The following GUCY1A2 variants were observed in gnomAD, a reference collection of about 807,000 sequenced individuals.
GUCY1A2 encodes the protein guanylate cyclase 1 soluble subunit alpha 2.
GUCY1A2 carries 27 observed loss-of-function variants against 63.5 expected under a neutral mutation model. The observed-to-expected ratio is 0.43, with a 90% CI of 0.31 to 0.59. The LOEUF is 0.59. Ranked by LOEUF, GUCY1A2 falls within the 20% of genes least tolerant of loss-of-function variation. The probability of loss-of-function intolerance (pLI) is 0.11; values close to 1 mark genes in which losing one functional copy is unlikely to be tolerated. For synonymous variants in GUCY1A2, 364 were observed against 343.5 expected (o/e 1.06, Z -0.66); for missense variants, 768 against 913.3 (o/e 0.84, Z 2.05).
chr11:106,972,505 A>C, intron 3 of GUCY1A2, among the ~76,000 whole-genome samples: 1 of 152,110 alleles, frequency 6.6e-6, no homozygotes, highest in East Asian at 1.9e-4. Flanking sequence ...GCTAGACAGA[A>C]AGCTGCTAGT....
At chr11:106,901,713 A>G (rs1860136125) in intron 4 of GUCY1A2, among the ~76,000 whole-genome samples, 1 of 138,472 alleles carries the variant, frequency 7.2e-6, no homozygotes, top group African/African-American at 2.7e-5. Flanking sequence ...TTCAATTCCC[A>G]CGTATGAGTG....
chr11:107,003,450 T>C (rs1298118239), intron 1 of GUCY1A2, among the ~76,000 whole-genome samples: 1 of 152,144 alleles, frequency 6.6e-6, no homozygotes, highest in East Asian at 1.9e-4. Context: ...TAATTCTCCG[T>C]TGTTCTTATT....
intron 4 of GUCY1A2, among the ~76,000 whole-genome samples, chr11:106,848,297 A>G (rs1013105993): frequency 5.9e-5 from 9 of 151,712 alleles, no homozygotes; most frequent in Admixed American, 5.9e-4. Context: ...TAAGCACACA[A>G]TCAGTGAATA....
intron 3 of GUCY1A2, among the ~76,000 whole-genome samples, chr11:106,959,088 T>C (rs1349816843): frequency 6.6e-6 from 1 of 152,230 alleles, no homozygotes; most frequent in Non-Finnish European, 1.5e-5. Context: ...CAACTATTCA[T>C]ATTCGTTACG....
At chr11:106,845,028 C>T (rs1859252162) in intron 4 of GUCY1A2, among the ~76,000 whole-genome samples, 1 of 151,612 alleles carries the variant, frequency 6.6e-6, no homozygotes, top group Non-Finnish European at 1.5e-5. Flanking sequence ...TTTCCTTCAC[C>T]TAAAGTTACC....
intron 4 of GUCY1A2, among the ~76,000 whole-genome samples, chr11:106,901,273 C>T (rs1348089708): frequency 6.6e-6 from 1 of 152,198 alleles, no homozygotes; most frequent in Admixed American, 6.6e-5. Context: ...TATGTAGTCA[C>T]ATCTTCAGGC....
intron 4 of GUCY1A2, among the ~76,000 whole-genome samples, chr11:106,864,259 T>G (rs1859557470): frequency 6.6e-6 from 1 of 151,952 alleles, no homozygotes; most frequent in Non-Finnish European, 1.5e-5. Flanking sequence ...TTGAATTCTC[T>G]CTACCCAGGA....
In GUCY1A2 at chr11:106,676,366, T is replaced by G. The variant is rs1484627717; in HGVS notation, c.*11183A>C. The G allele has an allele frequency of 5.5e-6, 1 of 181,160 alleles. No homozygotes were observed. The highest frequency in any genetic ancestry group is 2.5e-5 in the African/African-American group (1 of 39,998). The allele number at this position is 181,160 out of a possible 1,614,324, so 11.2% of individuals were successfully genotyped here. On this transcript the variant is annotated 3_prime_UTR_variant, in exon 8 of 8. Coordinates refer to ENST00000526355, the MANE Select transcript of GUCY1A2 (RefSeq NM_000855.3). ...TGAGATTTGTAAATGTTTGATCTCT[T>G]GATCCAAGCTGTACTTTTTTTTTTT...
At chr11:106,926,968 T>C (rs1217620613) in intron 4 of GUCY1A2, among the ~76,000 whole-genome samples, 5 of 150,320 alleles carry the variant, frequency 3.3e-5, no homozygotes, top group African/African-American at 9.7e-5. Context: ...TTGTGCATTC[T>C]CTTCTGTAAT....
At chr11:106,691,102 T>C (rs1591231785) in intron 7 of GUCY1A2, among the ~76,000 whole-genome samples, 1 of 152,190 alleles carries the variant, frequency 6.6e-6, no homozygotes, top group East Asian at 1.9e-4. Context: ...CAGTCATCAA[T>C]GTGTAATATA....
chr11:106,863,792 T>G (rs1333127127), intron 4 of GUCY1A2, among the ~76,000 whole-genome samples: 1 of 152,188 alleles, frequency 6.6e-6, no homozygotes, highest in Non-Finnish European at 1.5e-5. Flanking sequence ...CTATTGTTTG[T>G]GTCCTCTCTT....
At chr11:106,709,271 ATATATAT>A (rs1862987902) in intron 6 of GUCY1A2, among the ~76,000 whole-genome samples, 1 of 68,364 alleles carries the variant, frequency 1.5e-5, no homozygotes, top group African/African-American at 8.1e-5. Context: ...AAATATATTT[ATATATAT>A]AAATTTATAT....
intron 4 of GUCY1A2, among the ~76,000 whole-genome samples, chr11:106,894,376 C>A (rs1860017413): frequency 6.6e-6 from 1 of 152,092 alleles, no homozygotes. Context: ...CACCACTGTA[C>A]CAGAATTGGG....
chr11:106,910,344 GTGAT>G (rs1400408891), intron 4 of GUCY1A2, among the ~76,000 whole-genome samples: 1 of 151,962 alleles, frequency 6.6e-6, no homozygotes, highest in Non-Finnish European at 1.5e-5. Context: ...CCTTGGCTAT[GTGAT>G]TAGGGGCAGA....
intron 2 of GUCY1A2, 149 bp from the exon 3 acceptor site, chr11:106,978,889 T>A (rs1351829978): frequency 5.0e-6 from 3 of 596,918 alleles, no homozygotes; most frequent in African/African-American, 3.8e-5. Flanking sequence ...AATTCTGGCA[T>A]AACCCACCAT....
At chr11:106,689,824 T>C (rs938659667) in intron 7 of GUCY1A2, among the ~76,000 whole-genome samples, 1 of 151,964 alleles carries the variant, frequency 6.6e-6, no homozygotes, top group African/African-American at 2.4e-5. Context: ...AAACCCCATC[T>C]TTATTAAAAA....
Position 106,725,399 on chromosome 11 carries a change from C to T in GUCY1A2, c.1837-16733G>A, listed in dbSNP as rs1483351933. Among the ~76,000 whole-genome samples the T allele has an allele frequency of 2.7e-5, 4 of 146,898 alleles. 1 individual carries two copies. The highest frequency in any genetic ancestry group is 1.4e-4 in the Admixed American group (2 of 14,522). On this transcript the variant is annotated intron_variant, in intron 6 of 7. Transcript: ENST00000526355. ...GTTTTAGCCGGGATGGTCTCGATCT[C>T]CTGACCTCGTGATCCGCCCGCCTCG...
At chr11:106,766,791 G>C (rs7119558) in intron 6 of GUCY1A2, among the ~76,000 whole-genome samples, 144,213 of 152,086 alleles carry the variant, frequency 0.95, 68,430 homozygotes, top group East Asian at 0.99. Context: ...ATGCATATAG[G>C]CTTAAAAGAG....
chr11:107,012,491 G>A (rs992371423), intron 1 of GUCY1A2, among the ~76,000 whole-genome samples: 1 of 152,144 alleles, frequency 6.6e-6, no homozygotes, highest in African/African-American at 2.4e-5. Context: ...CTACAAGGTA[G>A]TTGTTATTCC....
Sources: allele counts gnomAD v4.1 joint callset (sites outside exome capture counted in the v4.1 genomes callset), GRCh38; gene constraint gnomAD v4.1.1; transcripts MANE v1.5; gene names NCBI Gene and HGNC (gene_info 2026-07-23, HGNC 2026-07-21).